Variants in MRTFB observed in about 807,000 individuals in gnomAD.
MRTFB encodes the protein myocardin related transcription factor B.
A neutral mutation model predicts 104.2 loss-of-function variants in MRTFB; 29 were observed. The observed-to-expected ratio is 0.28, with a 90% CI of 0.21 to 0.38. The LOEUF (loss-of-function observed/expected upper bound fraction) is 0.38, where lower values mean the gene tolerates loss of function less well. Ranked by LOEUF, MRTFB falls within the 10% of genes least tolerant of loss-of-function variation. The probability of loss-of-function intolerance (pLI) is 1.00; values close to 1 mark genes in which losing one functional copy is unlikely to be tolerated. For synonymous variants in MRTFB, 535 were observed against 519.5 expected (o/e 1.03, Z -0.41); for missense variants, 1,270 against 1,341.6 (o/e 0.95, Z 0.83).
At chr16:14,028,688 A>G in the MRTFB span, among the ~76,000 whole-genome samples, 9 of 152,182 alleles carry the variant, frequency 5.9e-5, no homozygotes, top group Non-Finnish European at 5.9e-5. Context: ...CCCAACCGCA[A>G]CTTCCTAGTT....
intron 3 of MRTFB, among the ~76,000 whole-genome samples, chr16:14,155,031 C>T (rs986474536): frequency 5.9e-5 from 9 of 152,176 alleles, no homozygotes; most frequent in African/African-American, 2.2e-4. Context: ...CTGGGACTAC[C>T]CTAAAGGCTG....
At chr16:14,106,518 C>T (rs112561407) in intron 2 of MRTFB, among the ~76,000 whole-genome samples, 200 of 152,250 alleles carry the variant, frequency 1.3e-3, no homozygotes, top group African/African-American at 4.5e-3. Context: ...TTGACTGTAA[C>T]TATGTGAGTG....
At chr16:14,015,420 C>A in the MRTFB span, among the ~76,000 whole-genome samples, 2 of 152,178 alleles carry the variant, frequency 1.3e-5, no homozygotes, top group African/African-American at 4.8e-5. Context: ...TCCCTGCATC[C>A]ACCTTTAGGA....
At chr16:14,175,676 A>G (rs764211440) in intron 3 of MRTFB, among the ~76,000 whole-genome samples, 7 of 152,244 alleles carry the variant, frequency 4.6e-5, no homozygotes, top group Non-Finnish European at 8.8e-5. Flanking sequence ...TTCATAACAG[A>G]CTTATTCATA....
the MRTFB span, among the ~76,000 whole-genome samples, chr16:14,018,151 C>A: frequency 6.6e-6 from 1 of 152,116 alleles, no homozygotes; most frequent in South Asian, 2.1e-4. Context: ...AGGATAATAA[C>A]CCCTCTTCCT....
At chr16:14,258,080 T>C in intron 15 of MRTFB, 21 bp from the exon 16 acceptor site, 2 of 1,609,142 alleles carry the variant, frequency 1.2e-6, no homozygotes, top group South Asian at 2.2e-5. Flanking sequence ...GAAACCTAAT[T>C]TGTACTCTCC....
intron 3 of MRTFB, among the ~76,000 whole-genome samples, chr16:14,205,015 CAG>C (rs1339182983): frequency 6.6e-6 from 1 of 152,120 alleles, no homozygotes; most frequent in African/African-American, 2.4e-5. Context: ...ATCCACCTAA[CAG>C]AGTATTTTAT....
intron 6 of MRTFB, among the ~76,000 whole-genome samples, chr16:14,215,500 CTACT>C (rs1051710197): frequency 7.9e-5 from 12 of 152,156 alleles, no homozygotes; most frequent in East Asian, 7.7e-4. Context: ...ATTCCAGGCT[CTACT>C]TACTTACTTA....
chr16:14,211,273 C>T (rs1231061797), intron 4 of MRTFB, among the ~76,000 whole-genome samples: 1 of 152,092 alleles, frequency 6.6e-6, no homozygotes, highest in Non-Finnish European at 1.5e-5. Flanking sequence ...CCACCACCAC[C>T]ACCACCACAT....
chr16:14,072,486 G>A (rs756154674), intron 1 of MRTFB, among the ~76,000 whole-genome samples: 1 of 152,144 alleles, frequency 6.6e-6, no homozygotes, highest in Non-Finnish European at 1.5e-5. Context: ...TCAAACAAGA[G>A]CAAGCCTGGG....
chr16:13,996,270 TCAAC>T, the MRTFB span, among the ~76,000 whole-genome samples: 1 of 149,428 alleles, frequency 6.7e-6, no homozygotes, highest in African/African-American at 2.5e-5. Flanking sequence ...ATACTCTGTC[TCAAC>T]AACAACAACA....
the MRTFB span, among the ~76,000 whole-genome samples, chr16:14,024,052 A>G: frequency 3.4e-5 from 5 of 148,448 alleles, no homozygotes; most frequent in Admixed American, 6.7e-5. Flanking sequence ...CTCCATCTCA[A>G]AAAAAAAAAA....
At position 14,077,096 on chromosome 16, in the gene MRTFB, A is replaced by T. The variant is rs1046889325; in HGVS notation, c.-128-2194A>T. Among the ~76,000 whole-genome samples, 3 of 152,216 alleles carry T rather than the reference A, an allele frequency of 2.0e-5. No homozygotes were observed. In the South Asian group the frequency reaches 6.2e-4, roughly 32 times the overall value. ...AAAAATGACTTTCATGTATTTTGGT[A>T]TAAAGAAGGCTTAAATATGGCTTTC... On this transcript the variant is annotated intron_variant, in intron 1 of 16. Coordinates refer to ENST00000571589, the MANE Select transcript of MRTFB (RefSeq NM_001308142.2).
intron 15 of MRTFB, among the ~76,000 whole-genome samples, chr16:14,253,669 C>T (rs1000941422): frequency 2.0e-5 from 3 of 152,202 alleles, no homozygotes; most frequent in African/African-American, 7.2e-5. Context: ...TTGGCACCCT[C>T]ACCAAGGACA....
Position 14,234,037 on chromosome 16 carries a change from C to T in MRTFB, c.694-109C>T, listed in dbSNP as rs182997929. 8.6e-5 allele frequency: 118 copies of T among 1,375,264 alleles called. No individual in the cohort carries two copies. The African/African-American group carries it at 1.3e-3, about 15-fold the overall frequency. 85.2% of individuals were successfully genotyped at this position (1,375,264 alleles called of 1,614,324 possible). Reference sequence around the variant, plus strand: ...GACATAATCATATATTTTTCCTTTGCTTCTTTTCTAGTGGGCTTAAAAACC... The same window carrying T: ...GACATAATCATATATTTTTCCTTTGTTTCTTTTCTAGTGGGCTTAAAAACC... On this transcript the variant is annotated intron_variant, in intron 8 of 16. Coordinates refer to ENST00000571589, the MANE Select transcript of MRTFB (RefSeq NM_001308142.2).
intron 3 of MRTFB, among the ~76,000 whole-genome samples, chr16:14,194,906 A>G (rs767823259): frequency 4.6e-5 from 7 of 152,068 alleles, no homozygotes; most frequent in East Asian, 1.9e-4. Flanking sequence ...CTGACAAACA[A>G]TGAGCCCACA....
chr16:14,243,777 T>C (rs747139304), intron 10 of MRTFB, among the ~76,000 whole-genome samples: 1 of 151,748 alleles, frequency 6.6e-6, no homozygotes, highest in Non-Finnish European at 1.5e-5. Context: ...ACCAAGAACA[T>C]TTTCAGTACC....
intron 3 of MRTFB, chr16:14,151,364 T>G (rs2038606722): frequency 6.6e-6 from 1 of 152,222 alleles, no homozygotes; most frequent in Admixed American, 6.5e-5. Context: ...GTGGTTCATC[T>G]GAGCTTTTTC....
intron 8 of MRTFB, among the ~76,000 whole-genome samples, chr16:14,232,807 C>G (rs1354786239): frequency 2.0e-5 from 3 of 152,146 alleles, no homozygotes; most frequent in Non-Finnish European, 4.4e-5. Flanking sequence ...ATATTTCATG[C>G]TGCTAATAGC....
Sources: allele counts gnomAD v4.1 joint callset (sites outside exome capture counted in the v4.1 genomes callset), GRCh38; gene constraint gnomAD v4.1.1; transcripts MANE v1.5; gene names NCBI Gene and HGNC (gene_info 2026-07-23, HGNC 2026-07-21).